Variants in FNDC3B observed in about 807,000 individuals in gnomAD.
FNDC3B encodes the protein fibronectin type III domain-containing protein 3B.
A neutral mutation model predicts 151.5 loss-of-function variants in FNDC3B; 12 were observed. The ratio of observed to expected loss-of-function variants is 0.08; its 90% CI spans 0.05 to 0.13. The LOEUF is 0.13. FNDC3B is among the 10% of genes least tolerant of loss of function. The pLI is 1.00. For synonymous variants in FNDC3B, 528 were observed against 549.0 expected (o/e 0.96, Z 0.54); for missense variants, 1,214 against 1,505.3 (o/e 0.81, Z 3.20).
intron 6 of FNDC3B, among the ~76,000 whole-genome samples, chr3:172,275,338 A>G (rs1044319411): frequency 1.3e-5 from 2 of 152,174 alleles, no homozygotes; most frequent in Non-Finnish European, 2.9e-5. Context: ...ATTAAGGCCT[A>G]TGATGAATGT....
intron 3 of FNDC3B, among the ~76,000 whole-genome samples, chr3:172,170,921 A>C (rs1368639221): frequency 6.6e-6 from 1 of 152,192 alleles, no homozygotes; most frequent in Non-Finnish European, 1.5e-5. Context: ...GTATTGCTCT[A>C]ATGTTAAATG....
intron 21 of FNDC3B, among the ~76,000 whole-genome samples, chr3:172,351,351 G>A (rs1353303683): frequency 6.6e-6 from 1 of 152,198 alleles, no homozygotes; most frequent in Non-Finnish European, 1.5e-5. Context: ...CAAAGGCCAT[G>A]AGGAGGCAGC....
At chr3:172,042,831 GTTTTTTTT>G (rs397696676) in intron 1 of FNDC3B, among the ~76,000 whole-genome samples, 1 of 141,446 alleles carries the variant, frequency 7.1e-6, no homozygotes. Flanking sequence ...AACAGTTTAA[GTTTTTTTT>G]TTTTTTTTTG....
chr3:172,268,729 G>T (rs1368077189), intron 6 of FNDC3B, among the ~76,000 whole-genome samples: 1 of 152,190 alleles, frequency 6.6e-6, no homozygotes, highest in Non-Finnish European at 1.5e-5. Flanking sequence ...CTCTGGAATA[G>T]TTTCTCCAAT....
intron 3 of FNDC3B, among the ~76,000 whole-genome samples, chr3:172,154,106 G>A (rs1379972663): frequency 6.6e-6 from 1 of 152,100 alleles, no homozygotes; most frequent in Non-Finnish European, 1.5e-5. Context: ...TTATTTGAAG[G>A]CATCCAGGAC....
chr3:172,067,115 C>T lies in FNDC3B; in HGVS notation c.-29+27344C>T, dbSNP rs564862279. Among the ~76,000 whole-genome samples the T allele has an allele frequency of 1.9e-4, 29 of 152,310 alleles. No homozygotes were observed. In the East Asian group the frequency reaches 5.0e-3, roughly 26 times the overall value. Reference sequence around the variant, plus strand: ...ATAAGACTTGGTCCGCAGTCTCCTACCCTCACCCAGTCTTCCATGAGCTAT... The same window carrying T: ...ATAAGACTTGGTCCGCAGTCTCCTATCCTCACCCAGTCTTCCATGAGCTAT... On this transcript the variant is annotated intron_variant, in intron 1 of 25. Coordinates refer to ENST00000415807, the MANE Select transcript of FNDC3B (RefSeq NM_022763.4).
intron 4 of FNDC3B, among the ~76,000 whole-genome samples, chr3:172,239,787 A>G (rs1199889540): frequency 6.7e-6 from 1 of 149,664 alleles, no homozygotes; most frequent in Non-Finnish European, 1.5e-5. Context: ...AAAAAAAAAA[A>G]AAAGAAAAAA....
intron 5 of FNDC3B, among the ~76,000 whole-genome samples, chr3:172,249,226 C>A (rs1322904813): frequency 6.6e-6 from 1 of 152,088 alleles, no homozygotes; most frequent in Non-Finnish European, 1.5e-5. Flanking sequence ...TGACTCATTG[C>A]TTGCTGGTAT....
intron 3 of FNDC3B, among the ~76,000 whole-genome samples, chr3:172,167,014 T>G (rs1489791982): frequency 6.6e-6 from 1 of 152,230 alleles, no homozygotes; most frequent in African/African-American, 2.4e-5. Context: ...ATTATCCCAG[T>G]AGCACTGCAA....
intron 11 of FNDC3B, among the ~76,000 whole-genome samples, chr3:172,328,079 T>A (rs1436458821): frequency 6.6e-6 from 1 of 152,140 alleles, no homozygotes; most frequent in African/African-American, 2.4e-5. Flanking sequence ...CATAGGGCGG[T>A]TAGACTTTTT....
At chr3:172,211,826 G>T (rs972582616) in intron 3 of FNDC3B, among the ~76,000 whole-genome samples, 3 of 152,188 alleles carry the variant, frequency 2.0e-5, no homozygotes, top group Admixed American at 1.3e-4. Context: ...TAGAAATTTT[G>T]TTCAAAACTT....
chr3:172,207,413 G>A (rs1460730933), intron 3 of FNDC3B, among the ~76,000 whole-genome samples: 1 of 152,112 alleles, frequency 6.6e-6, no homozygotes, highest in Admixed American at 6.5e-5. Context: ...GCACCCTGTG[G>A]ATCAGATTTG....
At chr3:172,060,394 G>C (rs903176152) in intron 1 of FNDC3B, among the ~76,000 whole-genome samples, 48 of 152,184 alleles carry the variant, frequency 3.2e-4, no homozygotes, top group African/African-American at 1.1e-3. Flanking sequence ...CCCACACCAG[G>C]CTTTTCTCTG....
Position 172,352,264 on chromosome 3 carries a change from A to T in FNDC3B, c.2515-539A>T, listed in dbSNP as rs1733891884. Among the ~76,000 whole-genome samples, 1 of 152,176 alleles carries T rather than the reference A, an allele frequency of 6.6e-6. No homozygotes were observed. Among genetic ancestry groups the T allele is most frequent in the Non-Finnish European group, 1.5e-5 (1 of 68,028 alleles). ...GGTGTCAGCTGTTTCTCTTGGGTAAAATCAGATAAGCGCTGACGATTGACT... is the reference window on the plus strand; with the variant it reads ...GGTGTCAGCTGTTTCTCTTGGGTAATATCAGATAAGCGCTGACGATTGACT... On this transcript the variant is annotated intron_variant, in intron 21 of 25. Coordinates refer to ENST00000415807, the MANE Select transcript of FNDC3B (RefSeq NM_022763.4). The surrounding 1 kb of genome is among the most constrained non-coding windows in gnomAD (Gnocchi z 4.2).
intron 6 of FNDC3B, among the ~76,000 whole-genome samples, chr3:172,259,980 A>T (rs1351404254): frequency 1.3e-5 from 2 of 152,242 alleles, no homozygotes; most frequent in Non-Finnish European, 2.9e-5. Flanking sequence ...GTTCACCAGA[A>T]GTTTGAGGTC....
At position 172,247,657 on chromosome 3, in the gene FNDC3B, A is replaced by G; in HGVS notation, c.389A>G (p.His130Arg). Residue 130 changes from histidine (H) to arginine (R), a missense_variant, in exon 5 of 26, where the codon CAT becomes CGT. By Grantham distance (29) the His-to-Arg change is conservative (BLOSUM62 0). Transcript: ENST00000415807. ...THHLPPYLTH[H>R]PHFIHNSHTA... ...CATCTCCCTCCCTATCTGACTCACC[A>G]TCCACATTTTATTCATAACTCACAC... 2.5e-6 allele frequency: 4 copies of G among 1,613,986 alleles called. No homozygotes were observed. The highest frequency in any genetic ancestry group is 2.5e-6 in the Non-Finnish European group (3 of 1,179,988).
chr3:172,309,791 A>G (rs1042491237), intron 10 of FNDC3B, among the ~76,000 whole-genome samples: 9 of 152,204 alleles, frequency 5.9e-5, no homozygotes, highest in African/African-American at 1.7e-4. Flanking sequence ...GGTGATTTAC[A>G]TATTCTCCCA....
chr3:172,325,592 G>A (rs1461495764), intron 11 of FNDC3B, among the ~76,000 whole-genome samples: 1 of 152,106 alleles, frequency 6.6e-6, no homozygotes, highest in Non-Finnish European at 1.5e-5. Context: ...CTTGTTTTAT[G>A]AACAGATTCT....
At chr3:172,294,479 A>C (rs965782254) in intron 7 of FNDC3B, among the ~76,000 whole-genome samples, 1 of 152,156 alleles carries the variant, frequency 6.6e-6, no homozygotes, top group African/African-American at 2.4e-5. Context: ...AAACAACCAG[A>C]TCTTGTGAGA....
Sources: gnomAD v4.1 joint callset for allele counts (sites outside exome capture counted in the v4.1 genomes callset) on GRCh38, gnomAD v4.1.1 for gene constraint, Gnocchi (gnomAD v3.1) non-coding constraint, MANE v1.5 for transcripts, NCBI Gene and HGNC (gene_info 2026-07-23, HGNC 2026-07-21) for gene names.